The following COL26A1 variants were observed in gnomAD, a reference collection of about 807,000 sequenced individuals.
COL26A1 encodes the protein collagen type XXVI alpha 1 chain, also known as collagen alpha-1(XXVI) chain.
COL26A1 carries 41 observed loss-of-function variants against 59.3 expected under a neutral mutation model. The ratio of observed to expected loss-of-function variants is 0.69; its 90% CI spans 0.54 to 0.90. The LOEUF is 0.90. Ranked by LOEUF, COL26A1 falls within the 40% of genes least tolerant of loss-of-function variation. The pLI is 0.00. For synonymous variants in COL26A1, 266 were observed against 256.0 expected (o/e 1.04, Z -0.37); for missense variants, 612 against 602.3 (o/e 1.02, Z -0.17).
intron 10 of COL26A1, 94 bp downstream of exon 10, chr7:101,551,237 G>GCC: frequency 1.0e-5 from 4 of 386,354 alleles, no homozygotes; most frequent in East Asian, 5.8e-5. Flanking sequence ...TGGTGGGGGG[G>GCC]TTCAGCCCTG....
At chr7:101,386,085 A>C (rs1384436880) in intron 1 of COL26A1, among the ~76,000 whole-genome samples, 8 of 152,034 alleles carry the variant, frequency 5.3e-5, no homozygotes, top group Non-Finnish European at 1.2e-4. Context: ...GAGTTTCATC[A>C]AGGGTGGGGC....
intron 3 of COL26A1, among the ~76,000 whole-genome samples, chr7:101,481,666 G>C (rs2130493913): frequency 6.6e-6 from 1 of 151,718 alleles, no homozygotes; most frequent in East Asian, 2.0e-4. Context: ...GCGCAGGCTT[G>C]ACTTGACCTC....
intron 2 of COL26A1, among the ~76,000 whole-genome samples, chr7:101,446,484 T>C (rs1484238403): frequency 6.6e-6 from 1 of 152,192 alleles, no homozygotes; most frequent in Non-Finnish European, 1.5e-5. Context: ...CACACAGCTG[T>C]CACTGCCCAA....
chr7:101,400,988 G>A (rs778932573), intron 1 of COL26A1, among the ~76,000 whole-genome samples: 1 of 152,188 alleles, frequency 6.6e-6, no homozygotes, highest in Non-Finnish European at 1.5e-5. Context: ...TCTGCAGGCT[G>A]CAGTTACACG....
At chr7:101,362,720 G>C, upstream of COL26A1, 1 of 429,330 alleles carries the variant, frequency 2.3e-6, no homozygotes. Context: ...TTAGGCTCCA[G>C]GGACCTCCTG....
rs114881890 is a variant in COL26A1, at chr7:101,538,760, A to T, written c.448-1133A>T. ...CACCCTGGAGACACCCCTGCTGGGG[A>T]GGAGCCCAGAGCAGGCCACTTTGTC... is the stretch of plus-strand genomic sequence containing the variant. On this transcript the variant is annotated intron_variant, in intron 4 of 12. Coordinates refer to ENST00000313669, the MANE Select transcript of COL26A1 (RefSeq NM_001278563.3). Among the ~76,000 whole-genome samples, 1,055 of 152,190 alleles carry T rather than the reference A, an allele frequency of 6.9e-3. 11 individuals are homozygous for T. The highest frequency in any genetic ancestry group is 0.025 in the African/African-American group (1,018 of 41,524).
At chr7:101,486,186 A>AT (rs1305890869) in intron 3 of COL26A1, among the ~76,000 whole-genome samples, 1 of 151,412 alleles carries the variant, frequency 6.6e-6, no homozygotes, top group Non-Finnish European at 1.5e-5. Flanking sequence ...AAAAAAAAAA[A>AT]GTAGTCTCAG....
intron 1 of COL26A1, among the ~76,000 whole-genome samples, chr7:101,402,299 C>G (rs10223928): frequency 6.6e-6 from 1 of 151,698 alleles, no homozygotes; most frequent in African/African-American, 2.4e-5. Flanking sequence ...CAGGGATTTT[C>G]CCCCCCAAGT....
At chr7:101,404,966 A>G (rs1471069640) in intron 1 of COL26A1, among the ~76,000 whole-genome samples, 1 of 152,122 alleles carries the variant, frequency 6.6e-6, no homozygotes, top group African/African-American at 2.4e-5. Flanking sequence ...GCTCATGCCT[A>G]TGATCCCAGC....
rs377446673 is a variant in COL26A1, at chr7:101,488,110, C to T, written c.385+40323C>T. On this transcript the variant is annotated intron_variant, in intron 3 of 12. Transcript: ENST00000313669. ...CAACATGGTGAAACCCCCATCTCTA[C>T]TGAAAAAAAAACAAAACAAAAATTA... Among the ~76,000 whole-genome samples, 253 of 117,890 alleles carry T rather than the reference C, an allele frequency of 2.1e-3. 1 individual carries two copies. Among genetic ancestry groups the T allele is most frequent in the African/African-American group, 8.6e-3 (234 of 27,164 alleles). The allele number at this position is 117,890 out of a possible 152,430, so 77.3% of individuals were successfully genotyped here. A position where few individuals can be genotyped will look rare whatever the true frequency, so the allele number is the denominator to read the frequency against.
At chr7:101,454,568 T>C (rs1793424854) in intron 3 of COL26A1, among the ~76,000 whole-genome samples, 1 of 152,062 alleles carries the variant, frequency 6.6e-6, no homozygotes, top group Non-Finnish European at 1.5e-5. Flanking sequence ...CAAGTGTCCT[T>C]TTCAAGGTCT....
intron 3 of COL26A1, among the ~76,000 whole-genome samples, chr7:101,500,699 T>C (rs1384823888): frequency 6.6e-6 from 1 of 151,918 alleles, no homozygotes; most frequent in African/African-American, 2.4e-5. Flanking sequence ...TGGGCACCTG[T>C]AGTCCCAGCT....
At position 101,545,400 on chromosome 7, in the gene COL26A1, G is replaced by A; in HGVS notation, c.766G>A (p.Gly256Arg). The change falls in exon 7 of 13, where the codon GGA (glycine) becomes AGA (arginine). Residue 256 changes from glycine to arginine, a missense_variant. By Grantham distance (125) the Gly-to-Arg change is moderately radical. Transcript: ENST00000313669. The part of the protein sequence containing the change: ...PGEMGRPGPP[G>R]PPGPAGNPGP... ...AGAGATGGGGCGCCCCGGCCCCCCAGGACCACCCGGCCCAGCAGGCAACCC... is the reference window on the plus strand; with the variant it reads ...AGAGATGGGGCGCCCCGGCCCCCCAAGACCACCCGGCCCAGCAGGCAACCC... 1 of 1,605,088 alleles carries A rather than the reference G, an allele frequency of 6.2e-7. No individual in the cohort carries two copies. Among genetic ancestry groups the A allele is most frequent in the South Asian group, 1.1e-5 (1 of 90,300 alleles).
intron 4 of COL26A1, among the ~76,000 whole-genome samples, chr7:101,536,119 G>T (rs1280054690): frequency 6.6e-6 from 1 of 152,212 alleles, no homozygotes; most frequent in Non-Finnish European, 1.5e-5. Context: ...AGGTTCAAGT[G>T]ATTCTCCCGC....
chr7:101,551,230 T>TGGGGGGGGTGGGGGGGGGGGGGGGGGGG, intron 10 of COL26A1, 87 bp downstream of exon 10: 1 of 113,778 alleles, frequency 8.8e-6, no homozygotes, highest in African/African-American at 1.1e-4. Flanking sequence ...CGGGGGTTGG[T>TGGGGGGGGTGGGGGGGGGGGGGGGGGGG]GGGGGGGTTC....
chr7:101,462,419 C>T (rs1050111073), intron 3 of COL26A1, among the ~76,000 whole-genome samples: 38 of 152,004 alleles, frequency 2.5e-4, no homozygotes, highest in Admixed American at 7.2e-4. Context: ...TGGGTTCAAG[C>T]AATTCTCCTG....
intron 1 of COL26A1, among the ~76,000 whole-genome samples, chr7:101,411,523 G>A (rs1213043647): frequency 6.6e-6 from 1 of 152,174 alleles, no homozygotes; most frequent in Non-Finnish European, 1.5e-5. Context: ...AGGAGGCAGG[G>A]AAGGGAGGGA....
At chr7:101,378,951 T>C (rs1791385164) in intron 1 of COL26A1, among the ~76,000 whole-genome samples, 1 of 152,110 alleles carries the variant, frequency 6.6e-6, no homozygotes, top group Non-Finnish European at 1.5e-5. Context: ...CGACCAGGCC[T>C]GCCAAACACT....
intron 1 of COL26A1, among the ~76,000 whole-genome samples, chr7:101,391,623 G>C (rs1486019655): frequency 6.6e-6 from 1 of 152,104 alleles, no homozygotes; most frequent in Admixed American, 6.5e-5. Flanking sequence ...GCAGTGGCAC[G>C]ATCTCAGCTC....
Sources: gnomAD v4.1 joint callset for allele counts (sites outside exome capture counted in the v4.1 genomes callset) on GRCh38, gnomAD v4.1.1 for gene constraint, MANE v1.5 for transcripts, NCBI Gene and HGNC (gene_info 2026-07-23, HGNC 2026-07-21) for gene names.